The following C1GALT1 variants were observed in gnomAD, a reference collection of about 807,000 sequenced individuals.
C1GALT1 encodes core 1 synthase, glycoprotein-N-acetylgalactosamine 3-beta-galactosyltransferase 1, also known as glycoprotein-N-acetylgalactosamine 3-beta-galactosyltransferase 1.
Under a neutral mutation model 31.0 loss-of-function variants are expected in C1GALT1, and 11 were observed. The observed-to-expected ratio is 0.36, with a 90% confidence interval of 0.22 to 0.59. The LOEUF is 0.59. C1GALT1 is among the 20% of genes least tolerant of loss of function. C1GALT1 has a pLI of 0.79. For missense variants in C1GALT1, 424 were observed against 425.2 expected, an observed-to-expected ratio of 1.00 and a Z score of 0.03; for synonymous variants, 175 against 143.6, an observed-to-expected ratio of 1.22 and a Z score of -1.56.
chr7:7,232,330 T>C (rs949811388), intron 1 of C1GALT1, among the ~76,000 whole-genome samples: 2 of 152,216 alleles, frequency 1.3e-5, no homozygotes, highest in African/African-American at 4.8e-5. Flanking sequence ...GTAGTGGTGA[T>C]TGTTGGTTTG....
intron 1 of C1GALT1, among the ~76,000 whole-genome samples, chr7:7,212,268 G>A (rs1782040606): frequency 6.6e-6 from 1 of 152,152 alleles, no homozygotes; most frequent in Non-Finnish European, 1.5e-5. Context: ...GCCCTGTGCG[G>A]GGACTGTGTA....
chr7:7,243,779 G>C lies in C1GALT1; in HGVS notation c.*52G>C. 1 of 1,319,074 alleles carries C rather than the reference G, an allele frequency of 7.6e-7. No individual in the cohort carries two copies. The highest frequency in any genetic ancestry group is 1.5e-5 in the African/African-American group (1 of 67,550). 81.7% of individuals were successfully genotyped at this position (1,319,074 alleles called of 1,614,324 possible). On this transcript the variant is annotated 3_prime_UTR_variant, in exon 4 of 4. Transcript: ENST00000436587. ...ATATGTCTAGCACTGCACTGAAAAA[G>C]GACTTCTGCATTTCTGACATAGAAC...
chr7:7,240,175 G>T (rs1157532191), intron 3 of C1GALT1, among the ~76,000 whole-genome samples: 5 of 152,210 alleles, frequency 3.3e-5, no homozygotes, highest in African/African-American at 7.2e-5. Context: ...AAGGTCTGGA[G>T]ACATTTTTGG....
In C1GALT1 at chr7:7,238,146, G is replaced by A; in HGVS notation, c.221-109G>A. 1.9e-6 allele frequency: 2 copies of A among 1,058,924 alleles called. No individual in the cohort carries two copies. Among genetic ancestry groups the A allele is most frequent in the South Asian group, 1.7e-5 (1 of 57,386 alleles). The allele number at this position is 1,058,924 out of a possible 1,614,324, so 65.6% of individuals were successfully genotyped here. A position where few individuals can be genotyped will look rare whatever the true frequency, so the allele number is the denominator to read the frequency against. On this transcript the variant is annotated intron_variant, in intron 2 of 3. Coordinates refer to ENST00000436587, the MANE Select transcript of C1GALT1 (RefSeq NM_020156.5). This position sits in a 1 kb window ranked among gnomAD's most constrained non-coding sequence, Gnocchi z 5.2. ...TTCCTTTGGCTAAATCACTAATAGA[G>A]GGATAAATAGGGACTTTGAAATTAG...
chr7:7,213,883 A>G (rs933101554), intron 1 of C1GALT1, among the ~76,000 whole-genome samples: 2 of 152,176 alleles, frequency 1.3e-5, no homozygotes, highest in Non-Finnish European at 2.9e-5. Context: ...AAGAACATAT[A>G]AATATCATGG....
At chr7:7,157,852 C>T (rs1287296988) in intron 2 of C1GALT1, among the ~76,000 whole-genome samples, 1 of 152,118 alleles carries the variant, frequency 6.6e-6, no homozygotes, top group African/African-American at 2.4e-5. Flanking sequence ...GATCTCTTTT[C>T]CTTTAAAATC....
At chr7:7,219,073 C>T (rs1448366198) in intron 1 of C1GALT1, among the ~76,000 whole-genome samples, 8 of 152,024 alleles carry the variant, frequency 5.3e-5, no homozygotes, top group Non-Finnish European at 1.2e-4. Flanking sequence ...TCCTGACCTT[C>T]GTGATCCGCC....
At chr7:7,195,184 G>A (rs1217500987) in intron 1 of C1GALT1, among the ~76,000 whole-genome samples, 1 of 151,988 alleles carries the variant, frequency 6.6e-6, no homozygotes, top group Non-Finnish European at 1.5e-5. Context: ...ATTTAGTTCT[G>A]TTCTGATCTT....
chr7:7,246,399 T>A lies in C1GALT1; in HGVS notation c.*2672T>A, dbSNP rs909944936. On this transcript the variant is annotated 3_prime_UTR_variant, in exon 4 of 4. Coordinates refer to ENST00000436587, the MANE Select transcript of C1GALT1 (RefSeq NM_020156.5). Reference sequence around the variant, plus strand: ...GATGCATTGGCCAGTAATAGTCAAATTAACCCAGCCAAATTGTCACAGTGA... The same window carrying A: ...GATGCATTGGCCAGTAATAGTCAAAATAACCCAGCCAAATTGTCACAGTGA... The A allele has an allele frequency of 6.6e-6, 1 of 152,216 alleles. No homozygotes were observed. The highest frequency in any genetic ancestry group is 6.5e-5 in the Admixed American group (1 of 15,284). The allele number at this position is 152,216 out of a possible 1,614,324, so 9.4% of individuals were successfully genotyped here. A position where few individuals can be genotyped will look rare whatever the true frequency, so the allele number is the denominator to read the frequency against.
At chr7:7,219,110 T>C (rs56035949) in intron 1 of C1GALT1, among the ~76,000 whole-genome samples, 99 of 152,312 alleles carry the variant, frequency 6.5e-4, no homozygotes, top group Non-Finnish European at 1.2e-3. Flanking sequence ...AGTGCTGGGA[T>C]TACAGGCGTG....
At chr7:7,161,532 A>G (rs532632299) in intron 2 of C1GALT1, among the ~76,000 whole-genome samples, 2 of 152,278 alleles carry the variant, frequency 1.3e-5, no homozygotes, top group East Asian at 3.9e-4. Context: ...GATAAAAATA[A>G]CTACCATTTA....
chr7:7,167,559 T>C (rs573182428), intron 2 of C1GALT1, among the ~76,000 whole-genome samples: 1 of 152,220 alleles, frequency 6.6e-6, no homozygotes, highest in African/African-American at 2.4e-5. Flanking sequence ...TGCCATTTCA[T>C]GGAATTATGT....
chr7:7,243,692 A>T lies in C1GALT1; in HGVS notation c.1057A>T (p.Asn353Tyr), dbSNP rs142799381. 10 of 1,608,554 alleles carry T rather than the reference A, an allele frequency of 6.2e-6. No homozygotes were observed. Among genetic ancestry groups the T allele is most frequent in the Admixed American group, 5.1e-5 (3 of 59,158 alleles). Reference sequence around the variant, plus strand: ...AAAGGAAATTAGTCAAGCAAACAAAAATGAAGATACAAAAGTGAAGTTAGG... The same window carrying T: ...AAAGGAAATTAGTCAAGCAAACAAATATGAAGATACAAAAGTGAAGTTAGG... The part of the protein sequence containing the change: ...ILKEISQANK[N>Y]EDTKVKLGNP Residue 353 changes from asparagine to tyrosine, a missense_variant, in exon 4 of 4, where the codon AAT becomes TAT. This residue lies in a region of C1GALT1 where 191 missense variants were observed against 188.8 expected (regional missense o/e 1.01). Transcript: ENST00000436587.
chr7:7,226,912 G>C (rs1286506259), intron 1 of C1GALT1, among the ~76,000 whole-genome samples: 1 of 152,172 alleles, frequency 6.6e-6, no homozygotes, highest in East Asian at 1.9e-4. Flanking sequence ...TTGTGGCAGA[G>C]GGAGTGTGTG....
In C1GALT1 at chr7:7,213,369, A is replaced by G. The variant is rs113715139; in HGVS notation, c.-17-20934A>G. 5.9e-5 allele frequency among the ~76,000 whole-genome samples: 9 copies of G among 152,346 alleles called. 1 individual carries two copies. The highest frequency in any genetic ancestry group is 1.7e-4 in the African/African-American group (7 of 41,584). On this transcript the variant is annotated intron_variant, in intron 1 of 3. Transcript: ENST00000436587. The stretch of plus-strand genomic sequence containing the variant: ...TTTAGCCTTAATTGTGATTGACAGC[A>G]TGTACTTCGGCATTAGAATTTTAGA...
In C1GALT1 at chr7:7,244,771, G is replaced by A. The variant is rs1446967042; in HGVS notation, c.*1044G>A. The A allele has an allele frequency of 6.6e-6, 1 of 152,122 alleles. No homozygotes were observed. The highest frequency in any genetic ancestry group is 1.9e-4 in the East Asian group (1 of 5,198). The allele number at this position is 152,122 out of a possible 1,614,324, so 9.4% of individuals were successfully genotyped here. A position where few individuals can be genotyped will look rare whatever the true frequency, so the allele number is the denominator to read the frequency against. On this transcript the variant is annotated 3_prime_UTR_variant, in exon 4 of 4. Coordinates refer to ENST00000436587, the MANE Select transcript of C1GALT1 (RefSeq NM_020156.5). ...AAAATTAGTTTATAGGATCTGAGGT[G>A]GCTATTAGTTACAGTGGCAAGATTA...
chr7:7,220,295 AGT>A (rs1782452989), intron 1 of C1GALT1, among the ~76,000 whole-genome samples: 1 of 152,252 alleles, frequency 6.6e-6, no homozygotes, highest in Non-Finnish European at 1.5e-5. Context: ...ATAATTACTC[AGT>A]GTTAGCTATT....
chr7:7,162,119 TTTA>T (rs1268714976), intron 2 of C1GALT1, among the ~76,000 whole-genome samples: 33 of 151,510 alleles, frequency 2.2e-4, no homozygotes, highest in Non-Finnish European at 4.9e-4. Flanking sequence ...TAAATTTTAT[TTTA>T]TTATTATTAT....
intron 1 of C1GALT1, among the ~76,000 whole-genome samples, chr7:7,193,016 T>G (rs1781140054): frequency 6.6e-6 from 1 of 152,166 alleles, no homozygotes. Context: ...GTTTTTTTTC[T>G]TGCTGATTTG....
Sources: gnomAD v4.1 joint callset for allele counts (sites outside exome capture counted in the v4.1 genomes callset) on GRCh38, gnomAD v4.1.1 for gene constraint, gnomAD v4.1.1 regional missense constraint, Gnocchi (gnomAD v3.1) non-coding constraint, MANE v1.5 for transcripts, NCBI Gene and HGNC (gene_info 2026-07-23, HGNC 2026-07-21) for gene names.